LMNTD1: variants seen among roughly 807,000 people sequenced by gnomAD.
LMNTD1 encodes lamin tail domain-containing protein 1.
LMNTD1 carries 35 observed loss-of-function variants against 50.9 expected under a neutral mutation model. The observed-to-expected ratio is 0.69, with a 90% CI of 0.53 to 0.91. The LOEUF (loss-of-function observed/expected upper bound fraction) is 0.91, where lower values mean the gene tolerates loss of function less well. Among genes scored for constraint, LMNTD1 ranks in the 40% least tolerant of loss-of-function variants. The probability of loss-of-function intolerance (pLI) is 0.00; values close to 1 mark genes in which losing one functional copy is unlikely to be tolerated. For synonymous variants in LMNTD1, 153 were observed against 161.9 expected, an observed-to-expected ratio of 0.94 and a Z score of 0.42; for missense variants, 470 against 475.5, an observed-to-expected ratio of 0.99 and a Z score of 0.11.
chr12:25,514,419 C>T (rs1209286878), intron 8 of LMNTD1, among the ~76,000 whole-genome samples: 1 of 152,010 alleles, frequency 6.6e-6, no homozygotes, highest in Admixed American at 6.6e-5. Context: ...TATAAACACA[C>T]AATGTTCTCA....
At chr12:25,623,347 C>G (rs548700551) in intron 1 of LMNTD1, among the ~76,000 whole-genome samples, 1 of 151,494 alleles carries the variant, frequency 6.6e-6, no homozygotes, top group South Asian at 2.1e-4. Context: ...GTCAGGAGTT[C>G]GAGACCAGCC....
intron 9 of LMNTD1, among the ~76,000 whole-genome samples, chr12:25,496,285 A>C (rs1213281934): frequency 6.6e-6 from 1 of 152,178 alleles, no homozygotes; most frequent in Non-Finnish European, 1.5e-5. Flanking sequence ...TGAACATGAT[A>C]ATCATCACAA....
At chr12:25,635,882 G>A (rs1013668169) in intron 1 of LMNTD1, among the ~76,000 whole-genome samples, 10 of 152,192 alleles carry the variant, frequency 6.6e-5, no homozygotes, top group Admixed American at 5.9e-4. Flanking sequence ...ATAAATTGGA[G>A]AAAGGACACC....
chr12:25,563,609 G>A lies in LMNTD1; in HGVS notation c.59-17055C>T, dbSNP rs149750089. Among the ~76,000 whole-genome samples the A allele has an allele frequency of 2.5e-3, 386 of 152,336 alleles. 3 individuals carry two copies. The highest frequency in any genetic ancestry group is 8.5e-3 in the African/African-American group (354 of 41,574). On this transcript the variant is annotated intron_variant, in intron 1 of 7. Coordinates refer to the LMNTD1 transcript ENST00000445693. The stretch of plus-strand genomic sequence containing the variant: ...CAGGGGTCAGGGACCCACTTGAGGA[G>A]GGAGTCTGTCCGTTCTCAGATCTCA...
At chr12:25,622,399 A>G (rs950284247) in intron 1 of LMNTD1, among the ~76,000 whole-genome samples, 5 of 151,368 alleles carry the variant, frequency 3.3e-5, no homozygotes, top group Admixed American at 3.3e-4. Flanking sequence ...TGCATGACCC[A>G]CAGGCACTAA....
At chr12:25,525,463 A>G (rs1941638679) in intron 6 of LMNTD1, among the ~76,000 whole-genome samples, 1 of 152,152 alleles carries the variant, frequency 6.6e-6, no homozygotes, top group South Asian at 2.1e-4. Context: ...AATAAATGGA[A>G]AAGACCTGTA....
At chr12:25,619,252 C>CTCTCTCTCTCTCTATATA (rs1374134268) in intron 1 of LMNTD1, among the ~76,000 whole-genome samples, 8 of 84,440 alleles carry the variant, frequency 9.5e-5, no homozygotes, top group African/African-American at 3.6e-4. Context: ...CTCTCTCTCT[C>CTCTCTCTCTCTCTATATA]TATATATATA....
intron 4 of LMNTD1, among the ~76,000 whole-genome samples, chr12:25,539,271 A>C (rs891244357): frequency 1.3e-5 from 2 of 150,818 alleles, no homozygotes; most frequent in African/African-American, 4.9e-5. Flanking sequence ...CAGAATATAC[A>C]TTTTTTTCAG....
At position 25,549,427 on chromosome 12, in the gene LMNTD1, T is replaced by C. The variant is rs1943627557; in HGVS notation, c.209A>G (p.Tyr70Cys). ...TCTACTAATCTGAGGACTAGACAGA[T>C]AGTAACCAAGAGGCATTCCACTGGA... ...SNSSGMPLGY[Y>C]LSSPQISRVT... is the part of the protein sequence containing the mutation. The change falls in exon 3 of 10, where the codon TAT becomes TGT. Residue 70 changes from tyrosine to cysteine, a missense_variant. By Grantham distance (194) the Tyr-to-Cys change is radical (BLOSUM62 -2). Coordinates refer to ENST00000458174, the MANE Select transcript of LMNTD1 (RefSeq NM_001145728.2). 6.2e-7 allele frequency: 1 copy of C among 1,613,076 alleles called. No homozygotes were observed. Among genetic ancestry groups the C allele is most frequent in the African/African-American group, 1.3e-5 (1 of 74,998 alleles).
intron 1 of LMNTD1, among the ~76,000 whole-genome samples, chr12:25,564,383 C>A (rs968807696): frequency 1.3e-5 from 2 of 152,118 alleles, no homozygotes; most frequent in African/African-American, 4.8e-5. Context: ...CTCAGTCTCC[C>A]AAGTAACTGG....
chr12:25,644,029 A>G (rs944855992), intron 1 of LMNTD1, among the ~76,000 whole-genome samples: 4 of 152,206 alleles, frequency 2.6e-5, no homozygotes, highest in Non-Finnish European at 5.9e-5. Context: ...CATAAAAGCC[A>G]AGAGAGAAAA....
At chr12:25,486,321 G>A (rs1324187387) in intron 9 of LMNTD1, among the ~76,000 whole-genome samples, 2 of 151,180 alleles carry the variant, frequency 1.3e-5, no homozygotes, top group Non-Finnish European at 2.9e-5. Context: ...TGTTGTTGGT[G>A]TATAAGAATG....
intron 9 of LMNTD1, among the ~76,000 whole-genome samples, chr12:25,493,071 C>A (rs1005662034): frequency 3.3e-5 from 5 of 152,140 alleles, no homozygotes; most frequent in Non-Finnish European, 7.4e-5. Context: ...CACCTATCTG[C>A]AATTATTGTT....
chr12:25,528,699 T>C (rs184462878), intron 4 of LMNTD1, among the ~76,000 whole-genome samples: 167 of 152,276 alleles, frequency 1.1e-3, no homozygotes, highest in African/African-American at 3.9e-3. Flanking sequence ...CTCTTCTCCA[T>C]AGCCCACCCC....
At chr12:25,539,822 C>T (rs1255288052) in intron 4 of LMNTD1, among the ~76,000 whole-genome samples, 99 of 140,078 alleles carry the variant, frequency 7.1e-4, no homozygotes, top group Non-Finnish European at 1.1e-3. Flanking sequence ...ATTGATAGAC[C>T]GCTAGCAAGA....
At chr12:25,490,548 G>T (rs1454006355) in intron 9 of LMNTD1, among the ~76,000 whole-genome samples, 1 of 152,054 alleles carries the variant, frequency 6.6e-6, no homozygotes, top group African/African-American at 2.4e-5. Flanking sequence ...ATTTTACAGA[G>T]GTGCGGAAGG....
intron 1 of LMNTD1, among the ~76,000 whole-genome samples, chr12:25,641,756 GAATAT>G (rs72149481): frequency 0.018 from 2,741 of 152,152 alleles, 80 homozygotes; most frequent in African/African-American, 0.062. Flanking sequence ...CAGTTCCACA[GAATAT>G]AATATAAGAG....
chr12:25,574,414 T>C (rs1944915585), intron 1 of LMNTD1, among the ~76,000 whole-genome samples: 1 of 152,172 alleles, frequency 6.6e-6, no homozygotes, highest in Non-Finnish European at 1.5e-5. Flanking sequence ...CCCACACCGC[T>C]TCTGACTCCA....
intron 1 of LMNTD1, among the ~76,000 whole-genome samples, chr12:25,611,717 TG>T (rs1227436580): frequency 1.3e-5 from 2 of 152,252 alleles, no homozygotes; most frequent in African/African-American, 4.8e-5. Context: ...CCATGAGTAC[TG>T]CTAAAATATT....
Sources: gnomAD v4.1 joint callset for allele counts (sites outside exome capture counted in the v4.1 genomes callset) on GRCh38, gnomAD v4.1.1 for gene constraint, MANE v1.5 for transcripts, NCBI Gene and HGNC (gene_info 2026-07-23, HGNC 2026-07-21) for gene names.